Variants in LINGO2 observed in about 807,000 individuals in gnomAD.
LINGO2 encodes leucine-rich repeat and immunoglobulin-like domain-containing nogo receptor-interacting protein 2.
Under a neutral mutation model 30.6 loss-of-function variants are expected in LINGO2, and 14 were observed. The ratio of observed to expected loss-of-function variants is 0.46; its 90% CI spans 0.30 to 0.72. The LOEUF (loss-of-function observed/expected upper bound fraction) is 0.72, where lower values mean the gene tolerates loss of function less well. Among genes scored for constraint, LINGO2 ranks in the 30% least tolerant of loss-of-function variants. The probability of loss-of-function intolerance (pLI) is 0.07; values close to 1 mark genes in which losing one functional copy is unlikely to be tolerated. For missense variants in LINGO2, 729 were observed against 751.7 expected, an observed-to-expected ratio of 0.97 and a Z score of 0.35; for synonymous variants, 317 against 288.5, an observed-to-expected ratio of 1.10 and a Z score of -1.00.
At chr9:28,560,009 C>T (rs1236822679) in intron 1 of LINGO2, among the ~76,000 whole-genome samples, 2 of 151,380 alleles carry the variant, frequency 1.3e-5, no homozygotes, top group East Asian at 3.9e-4. Flanking sequence ...TAGCCACATG[C>T]AGCCTCCTAC....
At chr9:28,560,928 G>T (rs1823020066) in intron 1 of LINGO2, among the ~76,000 whole-genome samples, 1 of 151,944 alleles carries the variant, frequency 6.6e-6, no homozygotes, top group Non-Finnish European at 1.5e-5. Context: ...ACCTGCTATG[G>T]CTTCCCAAAG....
chr9:28,287,593 A>G (rs1332446653), intron 4 of LINGO2, among the ~76,000 whole-genome samples: 1 of 152,224 alleles, frequency 6.6e-6, no homozygotes, highest in African/African-American at 2.4e-5. Flanking sequence ...CCTGCAGTGC[A>G]TGCCGTGTTC....
At chr9:29,008,090 C>T in the LINGO2 span, among the ~76,000 whole-genome samples, 1,049 of 151,834 alleles carry the variant, frequency 6.9e-3, 15 homozygotes, top group African/African-American at 0.023. Context: ...CCTAACCCCA[C>T]GACAGGCCCT....
At chr9:28,552,855 T>C (rs995956551) in intron 1 of LINGO2, among the ~76,000 whole-genome samples, 1 of 151,806 alleles carries the variant, frequency 6.6e-6, no homozygotes, top group Non-Finnish European at 1.5e-5. Flanking sequence ...CATTGTATTT[T>C]TCCATTTACA....
At chr9:28,883,628 G>GTGTGTGTGTATATATATA in the LINGO2 span, among the ~76,000 whole-genome samples, 1 of 64,180 alleles carries the variant, frequency 1.6e-5, no homozygotes, top group Non-Finnish European at 3.0e-5. Flanking sequence ...ATGTGTGTGT[G>GTGTGTGTGTATATATATA]TATATATATA....
At chr9:28,214,368 C>CA (rs1433580433) in intron 4 of LINGO2, among the ~76,000 whole-genome samples, 3 of 151,550 alleles carry the variant, frequency 2.0e-5, no homozygotes, top group Admixed American at 2.0e-4. Context: ...GATGTTGTGT[C>CA]AGTTTGCAAA....
rs987127972 is a variant in LINGO2, at chr9:28,409,063, C to T, written c.-278-36195G>A. On this transcript the variant is annotated intron_variant, in intron 2 of 5. Transcript: ENST00000379992. ...GTAATCACCCCCTCCCTTGCATCACCTTAACTCCCACTGGGCACCTGTCTA... is the reference window on the plus strand; with the variant it reads ...GTAATCACCCCCTCCCTTGCATCACTTTAACTCCCACTGGGCACCTGTCTA... 8.4e-4 allele frequency among the ~76,000 whole-genome samples: 127 copies of T among 152,038 alleles called. 2 individuals are homozygous for T. The highest frequency in any genetic ancestry group is 8.8e-5 in the Non-Finnish European group (6 of 68,010).
At chr9:28,146,527 C>T (rs1176852301) in intron 4 of LINGO2, among the ~76,000 whole-genome samples, 1 of 151,304 alleles carries the variant, frequency 6.6e-6, no homozygotes, top group Non-Finnish European at 1.5e-5. Flanking sequence ...TTTAGAAAAA[C>T]ATAAACTACC....
At chr9:27,973,397 C>T (rs1160615661) in intron 5 of LINGO2, among the ~76,000 whole-genome samples, 1 of 152,050 alleles carries the variant, frequency 6.6e-6, no homozygotes, top group Non-Finnish European at 1.5e-5. Context: ...TCAGGTGATT[C>T]TCATTCAGCT....
chr9:28,841,572 G>A, the LINGO2 span, among the ~76,000 whole-genome samples: 1 of 151,354 alleles, frequency 6.6e-6, no homozygotes, highest in Non-Finnish European at 1.5e-5. Context: ...CAATAAACAA[G>A]CAATTAAATA....
intron 4 of LINGO2, among the ~76,000 whole-genome samples, chr9:28,063,302 CAATATT>C (rs1318949808): frequency 2.0e-5 from 3 of 152,060 alleles, no homozygotes; most frequent in African/African-American, 7.2e-5. Flanking sequence ...TTTTCTGAAA[CAATATT>C]AATTTTTTAA....
intron 4 of LINGO2, among the ~76,000 whole-genome samples, chr9:28,139,057 T>A (rs1254882851): frequency 9.2e-5 from 14 of 152,232 alleles, no homozygotes; most frequent in Non-Finnish European, 1.5e-5. Flanking sequence ...TGCCTGAAGC[T>A]ATTTTTCAGG....
chr9:28,541,365 A>C (rs139061887), intron 1 of LINGO2, among the ~76,000 whole-genome samples: 92 of 152,278 alleles, frequency 6.0e-4, no homozygotes, highest in African/African-American at 2.1e-3. Flanking sequence ...TCATAGGTTT[A>C]TTTGCTTTGG....
the LINGO2 span, among the ~76,000 whole-genome samples, chr9:28,940,812 G>A: frequency 6.6e-6 from 1 of 152,060 alleles, no homozygotes; most frequent in African/African-American, 2.4e-5. Flanking sequence ...TGCTCCTGCT[G>A]TTTGCAAAAC....
chr9:28,891,018 T>TA, the LINGO2 span, among the ~76,000 whole-genome samples: 7 of 152,250 alleles, frequency 4.6e-5, no homozygotes, highest in Admixed American at 2.0e-4. Flanking sequence ...ATTTCCTTTA[T>TA]AGTGTTTGCA....
chr9:28,347,327 T>C (rs990366741), intron 3 of LINGO2, among the ~76,000 whole-genome samples: 2 of 152,104 alleles, frequency 1.3e-5, no homozygotes, highest in African/African-American at 4.8e-5. Flanking sequence ...GCTAGACCCA[T>C]TACAACGGGC....
the LINGO2 span, among the ~76,000 whole-genome samples, chr9:29,045,098 T>C: frequency 6.6e-6 from 1 of 152,232 alleles, no homozygotes; most frequent in Non-Finnish European, 1.5e-5. Flanking sequence ...AACTAAGTGA[T>C]TGACAGGCAG....
At chr9:28,035,434 T>C (rs1028690534) in intron 4 of LINGO2, among the ~76,000 whole-genome samples, 4 of 152,222 alleles carry the variant, frequency 2.6e-5, no homozygotes, top group Non-Finnish European at 5.9e-5. Flanking sequence ...TTAATATGAC[T>C]ACCTCAGATA....
chr9:27,940,878 C>T, the LINGO2 span: 2 of 152,260 alleles, frequency 1.3e-5, no homozygotes, highest in East Asian at 1.9e-4. Context: ...TGTTTAAGTA[C>T]AAGTTCTGAA....
Sources: allele counts gnomAD v4.1 joint callset (sites outside exome capture counted in the v4.1 genomes callset), GRCh38; gene constraint gnomAD v4.1.1; transcripts MANE v1.5; gene names NCBI Gene and HGNC (gene_info 2026-07-23, HGNC 2026-07-21).